XKR4: variants seen among roughly 807,000 people sequenced by gnomAD.
The protein encoded by XKR4 is XK related 4.
Under a neutral mutation model 53.9 loss-of-function variants are expected in XKR4, and 12 were observed. The observed-to-expected ratio is 0.22, with a 90% CI of 0.14 to 0.36. The LOEUF (loss-of-function observed/expected upper bound fraction) is 0.36, where lower values mean the gene tolerates loss of function less well. Ranked by LOEUF, XKR4 falls within the 10% of genes least tolerant of loss-of-function variation. The pLI is 1.00. For missense variants in XKR4, 799 were observed against 859.5 expected (o/e 0.93, Z 0.88); for synonymous variants, 354 against 362.4 (o/e 0.98, Z 0.26).
chr8:55,182,354 T>C (rs1817322802), intron 1 of XKR4, among the ~76,000 whole-genome samples: 2 of 152,162 alleles, frequency 1.3e-5, no homozygotes, highest in Non-Finnish European at 2.9e-5. Context: ...ATTTCTTTTA[T>C]GGATCACACT....
intron 1 of XKR4, among the ~76,000 whole-genome samples, chr8:55,167,527 C>T (rs545139162): frequency 6.6e-6 from 1 of 152,296 alleles, no homozygotes; most frequent in Admixed American, 6.5e-5. Flanking sequence ...GGTGCAAAGC[C>T]ACCTGCCAAC....
intron 1 of XKR4, among the ~76,000 whole-genome samples, chr8:55,302,177 G>A (rs1279695510): frequency 6.6e-6 from 1 of 152,150 alleles, no homozygotes; most frequent in Non-Finnish European, 1.5e-5. Context: ...TTTGTATAAG[G>A]TGTAAGGAAG....
intron 1 of XKR4, among the ~76,000 whole-genome samples, chr8:55,197,233 T>A (rs1817517579): frequency 6.6e-6 from 1 of 152,182 alleles, no homozygotes; most frequent in African/African-American, 2.4e-5. Flanking sequence ...CATATATCTA[T>A]AATCTGATTC....
chr8:55,370,862 G>A (rs1022341615), intron 2 of XKR4, among the ~76,000 whole-genome samples: 1 of 152,046 alleles, frequency 6.6e-6, no homozygotes, highest in Non-Finnish European at 1.5e-5. Context: ...ACTCAGCACA[G>A]AGCAGGCGAT....
chr8:55,371,363 G>T (rs193070961), intron 2 of XKR4, among the ~76,000 whole-genome samples: 5 of 152,088 alleles, frequency 3.3e-5, no homozygotes, highest in Non-Finnish European at 7.4e-5. Flanking sequence ...TTGGCAGCAC[G>T]TAATTAGATT....
chr8:55,211,286 A>C (rs1451636083), intron 1 of XKR4, among the ~76,000 whole-genome samples: 1 of 152,238 alleles, frequency 6.6e-6, no homozygotes, highest in Admixed American at 6.5e-5. Flanking sequence ...AGAAGCTTTA[A>C]GTATTGCCAT....
chr8:55,213,582 C>T (rs193185974), intron 1 of XKR4, among the ~76,000 whole-genome samples: 3 of 152,256 alleles, frequency 2.0e-5, no homozygotes, highest in African/African-American at 7.2e-5. Flanking sequence ...GTTAGACTAT[C>T]TTTAAAGGTA....
chr8:55,229,229 G>T (rs542165946), intron 1 of XKR4, among the ~76,000 whole-genome samples: 1 of 151,900 alleles, frequency 6.6e-6, no homozygotes, highest in Non-Finnish European at 1.5e-5. Context: ...CCGGCTGACA[G>T]CACTACCCAT....
chr8:55,461,568 C>T (rs548716205), intron 2 of XKR4, among the ~76,000 whole-genome samples: 5 of 152,312 alleles, frequency 3.3e-5, no homozygotes, highest in African/African-American at 1.2e-4. Flanking sequence ...ATCAGAGTGC[C>T]TCTCCTTCTC....
chr8:55,262,879 A>G (rs1818546995), intron 1 of XKR4, among the ~76,000 whole-genome samples: 1 of 152,190 alleles, frequency 6.6e-6, no homozygotes, highest in African/African-American at 2.4e-5. Flanking sequence ...GATGCACCAA[A>G]GGATTGTGGA....
chr8:55,412,389 GA>G (rs1804789431), intron 2 of XKR4, among the ~76,000 whole-genome samples: 1 of 152,114 alleles, frequency 6.6e-6, no homozygotes, highest in African/African-American at 2.4e-5. Context: ...AAATAAAGGG[GA>G]AAATATGGCT....
chr8:55,221,531 T>A (rs1817880538), intron 1 of XKR4, among the ~76,000 whole-genome samples: 1 of 152,112 alleles, frequency 6.6e-6, no homozygotes, highest in Admixed American at 6.5e-5. Flanking sequence ...GCCAAGGTGA[T>A]CATCACCTTA....
intron 1 of XKR4, among the ~76,000 whole-genome samples, chr8:55,247,640 T>G (rs1818301823): frequency 6.6e-6 from 1 of 152,034 alleles, no homozygotes. Context: ...AGATGGTGCT[T>G]GAACTCCCGA....
intron 1 of XKR4, among the ~76,000 whole-genome samples, chr8:55,287,837 A>C (rs1156692413): frequency 6.6e-6 from 1 of 152,186 alleles, no homozygotes; most frequent in African/African-American, 2.4e-5. Flanking sequence ...GCAAGCAAAA[A>C]TTTTAAAAAG....
At chr8:55,162,030 A>T (rs892292696) in intron 1 of XKR4, among the ~76,000 whole-genome samples, 1 of 152,174 alleles carries the variant, frequency 6.6e-6, no homozygotes, top group African/African-American at 2.4e-5. Context: ...ACCTTTATCT[A>T]TTGGTCATCC....
chr8:55,448,933 T>TC (rs1385627881), intron 2 of XKR4, among the ~76,000 whole-genome samples: 1 of 152,146 alleles, frequency 6.6e-6, no homozygotes, highest in Non-Finnish European at 1.5e-5. Context: ...TGCCTGTAGC[T>TC]CTGTGATTGA....
At position 55,131,176 on chromosome 8, in the gene XKR4, A is replaced by T. The variant is rs1012452733; in HGVS notation, c.806+27882A>T. Among the ~76,000 whole-genome samples the T allele has an allele frequency of 3.3e-5, 5 of 152,098 alleles. No homozygotes were observed. The East Asian group carries it at 9.7e-4, about 29-fold the overall frequency. On this transcript the variant is annotated intron_variant, in intron 1 of 2. Coordinates refer to ENST00000327381, the MANE Select transcript of XKR4 (RefSeq NM_052898.2). ...TGGCTGTCTCAAAAACAACAACAAC[A>T]ACAACAACAAATGCAGACTCTTGAG... is the stretch of plus-strand genomic sequence containing the variant.
chr8:55,504,394 T>A (rs1201358038), intron 2 of XKR4, among the ~76,000 whole-genome samples: 1 of 151,030 alleles, frequency 6.6e-6, no homozygotes, highest in East Asian at 1.9e-4. Context: ...TTTTTTTTTT[T>A]AGTAGAGATG....
chr8:55,405,808 C>T (rs1804671219), intron 2 of XKR4, among the ~76,000 whole-genome samples: 1 of 152,166 alleles, frequency 6.6e-6, no homozygotes, highest in Admixed American at 6.5e-5. Flanking sequence ...CATTTCACTG[C>T]TGCCACTTCA....
Sources: gnomAD v4.1 joint callset for allele counts (sites outside exome capture counted in the v4.1 genomes callset) on GRCh38, gnomAD v4.1.1 for gene constraint, MANE v1.5 for transcripts, NCBI Gene and HGNC (gene_info 2026-07-23, HGNC 2026-07-21) for gene names.